DLGAP1: variants seen among roughly 807,000 people sequenced by gnomAD.
DLGAP1 encodes the protein disks large-associated protein 1.
In DLGAP1, 11 loss-of-function variants were observed where a neutral mutation model predicts 90.8. The observed-to-expected ratio is 0.12, with a 90% CI of 0.08 to 0.20. DLGAP1 has a LOEUF of 0.20. Ranked by LOEUF, DLGAP1 falls within the 10% of genes least tolerant of loss-of-function variation. DLGAP1 has a pLI of 1.00. For missense variants in DLGAP1, 1,050 were observed against 1,333.8 expected (o/e 0.79, Z 3.31); for synonymous variants, 558 against 540.7 (o/e 1.03, Z -0.44).
intron 7 of DLGAP1, among the ~76,000 whole-genome samples, chr18:3,687,158 C>T (rs978845795): frequency 6.6e-6 from 1 of 152,164 alleles, no homozygotes; most frequent in Non-Finnish European, 1.5e-5. Flanking sequence ...CCTGGTGAGA[C>T]CTGTATCGGA....
intron 5 of DLGAP1, among the ~76,000 whole-genome samples, chr18:3,796,718 G>A (rs2066008200): frequency 6.6e-6 from 1 of 152,232 alleles, no homozygotes; most frequent in Admixed American, 6.5e-5. Flanking sequence ...TCCTCACCAT[G>A]CTATCAAAGC....
intron 1 of DLGAP1, among the ~76,000 whole-genome samples, chr18:4,312,473 G>C (rs1009572200): frequency 1.1e-4 from 16 of 152,164 alleles, no homozygotes; most frequent in Admixed American, 6.5e-5. Context: ...ATAAGTGGAA[G>C]AGCATCTGAA....
At position 3,792,928 on chromosome 18, in the gene DLGAP1, C is replaced by T. The variant is rs73372538; in HGVS notation, c.1172+21131G>A. 4.7e-3 allele frequency among the ~76,000 whole-genome samples: 712 copies of T among 152,272 alleles called. 4 individuals carry two copies. The highest frequency in any genetic ancestry group is 0.017 in the African/African-American group (688 of 41,554). On this transcript the variant is annotated intron_variant, in intron 5 of 12. Coordinates refer to ENST00000315677, the MANE Select transcript of DLGAP1 (RefSeq NM_004746.4). ...GCCACCGTGCTTCTTCCTCCACCTG[C>T]GGCACTGCTGGTGTCTCGACCTCCC...
At chr18:4,037,514 C>T (rs1258295040) in intron 2 of DLGAP1, among the ~76,000 whole-genome samples, 1 of 152,076 alleles carries the variant, frequency 6.6e-6, no homozygotes, top group Admixed American at 6.5e-5. Context: ...ATTTTTTATT[C>T]AGTTATAATT....
intron 3 of DLGAP1, among the ~76,000 whole-genome samples, chr18:3,898,790 A>C (rs2071716884): frequency 6.6e-6 from 1 of 152,222 alleles, no homozygotes; most frequent in Admixed American, 6.5e-5. Flanking sequence ...AAAGTTATTC[A>C]TCTATTATTA....
intron 2 of DLGAP1, among the ~76,000 whole-genome samples, chr18:4,110,145 C>T (rs537953029): frequency 4.6e-5 from 7 of 152,288 alleles, no homozygotes; most frequent in African/African-American, 1.7e-4. Flanking sequence ...ACCTGGATGA[C>T]CTAGCCTACT....
At chr18:3,950,390 C>G (rs903916749) in intron 3 of DLGAP1, among the ~76,000 whole-genome samples, 3 of 152,328 alleles carry the variant, frequency 2.0e-5, no homozygotes, top group African/African-American at 7.2e-5. Flanking sequence ...CCCTCTGGAA[C>G]AACAGAGTGT....
intron 3 of DLGAP1, among the ~76,000 whole-genome samples, chr18:3,990,303 A>G (rs2073936774): frequency 6.6e-6 from 1 of 152,174 alleles, no homozygotes; most frequent in Admixed American, 6.5e-5. Flanking sequence ...CTATGCAGCC[A>G]TAAAAAATGA....
chr18:4,317,640 C>T (rs946748034), intron 1 of DLGAP1, among the ~76,000 whole-genome samples: 11 of 152,146 alleles, frequency 7.2e-5, no homozygotes, highest in Non-Finnish European at 1.5e-4. Flanking sequence ...TCCCTATTCA[C>T]CCAGAAACTT....
chr18:4,249,111 T>C (rs991805697), intron 1 of DLGAP1, among the ~76,000 whole-genome samples: 2 of 152,202 alleles, frequency 1.3e-5, no homozygotes, highest in African/African-American at 4.8e-5. Flanking sequence ...CCCTGCTCTA[T>C]TTCTCTCCAT....
intron 2 of DLGAP1, among the ~76,000 whole-genome samples, chr18:4,128,030 T>A (rs1002021609): frequency 1.3e-5 from 2 of 152,208 alleles, no homozygotes; most frequent in Non-Finnish European, 2.9e-5. Context: ...TTTCTTCCTT[T>A]GTTAGTTACA....
chr18:3,643,662 CAAAAA>C (rs538678987), intron 7 of DLGAP1, among the ~76,000 whole-genome samples: 1 of 65,022 alleles, frequency 1.5e-5, no homozygotes, highest in Admixed American at 2.0e-4. Flanking sequence ...GACTCCATCT[CAAAAA>C]AAAAAAAAAA....
intron 7 of DLGAP1, chr18:3,604,292 A>G (rs915110841): frequency 7.2e-5 from 11 of 152,170 alleles, no homozygotes; most frequent in African/African-American, 1.9e-4. Context: ...TCTTGTGCCT[A>G]AGTGCTAGAG....
chr18:3,947,759 T>G (rs934854215), intron 3 of DLGAP1, among the ~76,000 whole-genome samples: 6 of 152,124 alleles, frequency 3.9e-5, no homozygotes, highest in African/African-American at 1.4e-4. Flanking sequence ...TCTTACCGGT[T>G]GGAGAATATA....
intron 1 of DLGAP1, among the ~76,000 whole-genome samples, chr18:4,208,952 G>A (rs1194851260): frequency 1.3e-5 from 2 of 152,160 alleles, no homozygotes; most frequent in Non-Finnish European, 2.9e-5. Context: ...GAGCTCCCAC[G>A]TGACCACAAC....
At chr18:4,090,065 A>G (rs935771506) in intron 2 of DLGAP1, among the ~76,000 whole-genome samples, 1 of 151,924 alleles carries the variant, frequency 6.6e-6, no homozygotes, top group Admixed American at 6.6e-5. Context: ...AAGAAACTGG[A>G]CCCCTTCCTT....
intron 3 of DLGAP1, among the ~76,000 whole-genome samples, chr18:3,938,399 C>T (rs750563965): frequency 1.3e-5 from 2 of 152,084 alleles, no homozygotes. Flanking sequence ...AAAAGCCTCT[C>T]TGAGGAGGAG....
chr18:4,316,770 T>C (rs1417740557), intron 1 of DLGAP1, among the ~76,000 whole-genome samples: 1 of 152,182 alleles, frequency 6.6e-6, no homozygotes, highest in Non-Finnish European at 1.5e-5. Flanking sequence ...GTGATTAAAT[T>C]AGCAGGATCA....
chr18:4,404,458 C>T (rs1210731218), intron 1 of DLGAP1, among the ~76,000 whole-genome samples: 1 of 152,018 alleles, frequency 6.6e-6, no homozygotes, highest in African/African-American at 2.4e-5. Flanking sequence ...GCTTAAACAA[C>T]AACAAAATAT....
Sources: allele counts gnomAD v4.1 joint callset (sites outside exome capture counted in the v4.1 genomes callset), GRCh38; gene constraint gnomAD v4.1.1; transcripts MANE v1.5; gene names NCBI Gene and HGNC (gene_info 2026-07-23, HGNC 2026-07-21).